The following MAP3K20 variants were observed in gnomAD, a reference collection of about 807,000 sequenced individuals.
MAP3K20 encodes the protein HCCS-4.
Under a neutral mutation model 85.7 loss-of-function variants are expected in MAP3K20, and 40 were observed. That is an observed-to-expected ratio of 0.47 (90% CI 0.36 to 0.61). MAP3K20 has a LOEUF of 0.61. Among genes scored for constraint, MAP3K20 ranks in the 20% least tolerant of loss-of-function variants. The pLI, the probability that MAP3K20 is intolerant of heterozygous loss-of-function variation, is 0.00. For synonymous variants in MAP3K20, 325 were observed against 327.7 expected, an observed-to-expected ratio of 0.99 and a Z score of 0.09; for missense variants, 817 against 961.7, an observed-to-expected ratio of 0.85 and a Z score of 1.99.
chr2:173,147,293 A>G (rs998513167), intron 2 of MAP3K20, among the ~76,000 whole-genome samples: 4 of 152,218 alleles, frequency 2.6e-5, no homozygotes, highest in Admixed American at 1.3e-4. Flanking sequence ...ATTTACTTCT[A>G]AATTTCTTTT....
intron 17 of MAP3K20, 147 bp from the exon 18 acceptor site, chr2:173,260,916 C>A: frequency 1.6e-6 from 1 of 609,818 alleles, no homozygotes; most frequent in Non-Finnish European, 2.8e-6. Context: ...TGTGAGTGAT[C>A]ACATGAGAAC....
At chr2:173,264,837 G>A (rs894850073) in intron 19 of MAP3K20, among the ~76,000 whole-genome samples, 1 of 152,098 alleles carries the variant, frequency 6.6e-6, no homozygotes, top group African/African-American at 2.4e-5. Flanking sequence ...AACAAGTGGC[G>A]GTCAGGGGGC....
chr2:173,090,511 C>A, intron 1 of MAP3K20: 1 of 538,482 alleles, frequency 1.9e-6, no homozygotes, highest in Non-Finnish European at 2.4e-6. Context: ...CAGTTTGCAG[C>A]CGTTTGGCTG....
In MAP3K20 at chr2:173,142,238, C is replaced by T. The variant is rs532194782; in HGVS notation, c.160-27567C>T. On this transcript the variant is annotated intron_variant, in intron 2 of 19. Coordinates refer to ENST00000375213, the MANE Select transcript of MAP3K20 (RefSeq NM_016653.3). ...CCTATATCCCAGCACTTTGGGAGGC[C>T]GAGGCGGGTGGATCATGAGGTCAGG... 1.1e-4 allele frequency among the ~76,000 whole-genome samples: 17 copies of T among 152,164 alleles called. No homozygotes were observed. The South Asian group carries it at 3.5e-3, about 32-fold the overall frequency.
chr2:173,082,712 T>C (rs967722305), intron 1 of MAP3K20, among the ~76,000 whole-genome samples: 2 of 152,196 alleles, frequency 1.3e-5, no homozygotes, highest in African/African-American at 4.8e-5. Context: ...CCGTGCACCC[T>C]CACTTTATTC....
chr2:173,220,775 T>A (rs369735128), intron 11 of MAP3K20, among the ~76,000 whole-genome samples: 1,686 of 152,318 alleles, frequency 0.011, 23 homozygotes, highest in Middle Eastern at 0.044. Context: ...TTTATTTTTT[T>A]AAAAATATAA....
At chr2:173,255,688 A>G (rs188867337) in intron 16 of MAP3K20, among the ~76,000 whole-genome samples, 3 of 152,346 alleles carry the variant, frequency 2.0e-5, no homozygotes, top group Admixed American at 6.5e-5. Flanking sequence ...CCTGGTTAGG[A>G]GATGAGAGTG....
intron 11 of MAP3K20, among the ~76,000 whole-genome samples, chr2:173,220,044 G>C (rs966057988): frequency 7.4e-6 from 1 of 135,488 alleles, no homozygotes; most frequent in Non-Finnish European, 1.5e-5. Flanking sequence ...CTCCAGCCTG[G>C]GCAACAGTGC....
chr2:173,254,194 T>C (rs1490188773), intron 16 of MAP3K20, among the ~76,000 whole-genome samples: 1 of 150,940 alleles, frequency 6.6e-6, no homozygotes, highest in South Asian at 2.1e-4. Flanking sequence ...GGCAGGCGGA[T>C]CATGAGGTTA....
intron 2 of MAP3K20, chr2:173,159,948 A>G (rs1009371381): frequency 6.6e-6 from 1 of 152,196 alleles, no homozygotes; most frequent in Non-Finnish European, 1.5e-5. Flanking sequence ...AGTCGGCTGC[A>G]TCACACCAGG....
intron 12 of MAP3K20, among the ~76,000 whole-genome samples, chr2:173,230,387 C>T (rs980338511): frequency 6.6e-6 from 1 of 152,160 alleles, no homozygotes; most frequent in Admixed American, 6.5e-5. Context: ...AGGATCTGGT[C>T]AAGGCAGTGC....
Position 173,267,277 on chromosome 2 carries a change from G to C in MAP3K20, c.*527G>C, listed in dbSNP as rs1038699873. The C allele has an allele frequency of 6.6e-6, 1 of 151,760 alleles. No homozygotes were observed. The highest frequency in any genetic ancestry group is 2.4e-5 in the African/African-American group (1 of 41,264). The allele number at this position is 151,760 out of a possible 1,614,324, so 9.4% of individuals were successfully genotyped here. A position where few individuals can be genotyped will look rare whatever the true frequency, so the allele number is the denominator to read the frequency against. On this transcript the variant is annotated 3_prime_UTR_variant, in exon 20 of 20. Transcript: ENST00000375213. ...TAAAATATCATTTAGCTTGATTATC[G>C]AGTTTTTTGGTTTGAGGTTTTTTGT...
intron 7 of MAP3K20, among the ~76,000 whole-genome samples, chr2:173,196,161 T>C (rs187110658): frequency 6.2e-4 from 95 of 152,276 alleles, no homozygotes; most frequent in African/African-American, 2.2e-3. Flanking sequence ...GAGCGTTTGA[T>C]TTATTGGAGG....
intron 16 of MAP3K20, among the ~76,000 whole-genome samples, chr2:173,241,234 T>C (rs550385166): frequency 6.6e-6 from 1 of 152,270 alleles, no homozygotes; most frequent in Admixed American, 6.5e-5. Flanking sequence ...AGAGTGGAAC[T>C]GGGATGTCCG....
chr2:173,229,516 C>A (rs967985160), intron 11 of MAP3K20, among the ~76,000 whole-genome samples, 173 bp from the exon 12 acceptor site: 1 of 152,162 alleles, frequency 6.6e-6, no homozygotes, highest in African/African-American at 2.4e-5. Flanking sequence ...ATTACTGGAG[C>A]ACTGAGAACT....
rs117853417 is a variant in MAP3K20, at chr2:173,220,390, G to C, written c.987+3140G>C. On this transcript the variant is annotated intron_variant, in intron 11 of 19. Transcript: ENST00000375213. ...AAGTTCGGTTGAAAGAAGAAAACTTGAATATTAGAGCGTATTAGAACAATC... is the reference window on the plus strand; with the variant it reads ...AAGTTCGGTTGAAAGAAGAAAACTTCAATATTAGAGCGTATTAGAACAATC... Among the ~76,000 whole-genome samples the C allele has an allele frequency of 6.2e-4, 95 of 152,292 alleles. 1 individual carries two copies. In the East Asian group the frequency reaches 0.014, roughly 22 times the overall value.
At chr2:173,150,625 G>A (rs1368226607) in intron 2 of MAP3K20, among the ~76,000 whole-genome samples, 1 of 152,190 alleles carries the variant, frequency 6.6e-6, no homozygotes, top group African/African-American at 2.4e-5. Flanking sequence ...GGAGTGCAAT[G>A]GGTGATCTCG....
At chr2:173,214,158 T>C (rs1683999081) in intron 10 of MAP3K20, 1 of 151,892 alleles carries the variant, frequency 6.6e-6, no homozygotes, top group South Asian at 2.1e-4. Flanking sequence ...AAAACTACAT[T>C]ATTAAAAACC....
chr2:173,250,583 T>C (rs545137356), intron 16 of MAP3K20, among the ~76,000 whole-genome samples: 1 of 152,336 alleles, frequency 6.6e-6, no homozygotes, highest in African/African-American at 2.4e-5. Context: ...ATGGACACCA[T>C]CTGACAGACA....
Sources: allele counts gnomAD v4.1 joint callset (sites outside exome capture counted in the v4.1 genomes callset), GRCh38; gene constraint gnomAD v4.1.1; transcripts MANE v1.5; gene names NCBI Gene and HGNC (gene_info 2026-07-23, HGNC 2026-07-21).